The following HMCN1 variants were observed in gnomAD, a reference collection of about 807,000 sequenced individuals.
HMCN1 encodes hemicentin-1.
In HMCN1, 321 loss-of-function variants were observed where a neutral mutation model predicts 625.9. That is an observed-to-expected ratio of 0.51 (90% CI 0.47 to 0.56). HMCN1 has a LOEUF of 0.56. HMCN1 is among the 20% of genes least tolerant of loss of function. The pLI is 0.00. For missense variants in HMCN1, 6,588 were observed against 6,887.3 expected (o/e 0.96, Z 1.54); for synonymous variants, 2,425 against 2,417.6 (o/e 1.00, Z -0.09).
intron 26 of HMCN1, 120 bp downstream of exon 26, chr1:186,000,359 G>T: frequency 1.4e-6 from 1 of 737,352 alleles, no homozygotes; most frequent in African/African-American, 1.7e-5. Flanking sequence ...TTACCAAACA[G>T]AAATCTGGTG....
Position 185,923,399 on chromosome 1 carries a change from C to T in HMCN1, c.1031C>T (p.Thr344Ile). 1 of 1,608,876 alleles carries T rather than the reference C, an allele frequency of 6.2e-7. No homozygotes were observed. Among genetic ancestry groups the T allele is most frequent in the Non-Finnish European group, 8.5e-7 (1 of 1,176,228 alleles). The stretch of plus-strand genomic sequence containing the variant: ...AATCTTTCTCTTGTAGGAATACCTA[C>T]CTATGTACTGCTCAATACTTCTGGA... ...TVSRPVQGIP[T>I]YVLLNTSGIS... Residue 344 changes from threonine (T) to isoleucine (I), a missense_variant, in exon 8 of 107, where the codon ACC becomes ATC. Thr to Ile is a moderately conservative substitution (Grantham distance 89, BLOSUM62 -1). This residue lies in a region of HMCN1 where 4,628 missense variants were observed against 4,853.1 expected (regional missense o/e 0.95). Transcript: ENST00000271588.
At chr1:185,773,499 A>G (rs932444122) in intron 1 of HMCN1, among the ~76,000 whole-genome samples, 2 of 152,178 alleles carry the variant, frequency 1.3e-5, no homozygotes, top group Admixed American at 6.5e-5. Flanking sequence ...GAATTGTTGC[A>G]TCTATCTTTT....
chr1:185,789,935 A>C (rs948595895), intron 1 of HMCN1, among the ~76,000 whole-genome samples: 9 of 152,232 alleles, frequency 5.9e-5, no homozygotes, highest in Non-Finnish European at 1.3e-4. Flanking sequence ...AAATCTGTTT[A>C]AAAGAGCTTC....
At chr1:185,970,986 A>G (rs1245072659) in intron 15 of HMCN1, among the ~76,000 whole-genome samples, 1 of 152,114 alleles carries the variant, frequency 6.6e-6, no homozygotes, top group Non-Finnish European at 1.5e-5. Flanking sequence ...TCGCTGTGTC[A>G]AAAAATTTAT....
At chr1:186,125,897 A>AAAT in intron 82 of HMCN1, 103 bp downstream of exon 82, 1 of 810,340 alleles carries the variant, frequency 1.2e-6, no homozygotes, top group Middle Eastern at 3.6e-4. Flanking sequence ...TAATTAAAAA[A>AAAT]AATATTCTTG....
At chr1:186,185,368 G>A (rs1653223754) in intron 105 of HMCN1, among the ~76,000 whole-genome samples, 1 of 152,134 alleles carries the variant, frequency 6.6e-6, no homozygotes, top group African/African-American at 2.4e-5. Context: ...TTTTCTAGAA[G>A]GCTTTTCAAG....
At chr1:185,983,910 A>G (rs908504134) in intron 18 of HMCN1, among the ~76,000 whole-genome samples, 4 of 152,196 alleles carry the variant, frequency 2.6e-5, no homozygotes, top group African/African-American at 4.8e-5. Context: ...AGTGATGTCT[A>G]TATCTTTCTT....
chr1:185,994,830 A>C lies in HMCN1; in HGVS notation c.3521A>C (p.Gln1174Pro). The change falls in exon 24 of 107, where the codon CAG becomes CCG. Residue 1174 changes from glutamine (Q) to proline (P), a missense_variant. Gln to Pro is a moderately conservative substitution (Grantham distance 76, BLOSUM62 -1). This residue lies in a region of HMCN1 where 4,628 missense variants were observed against 4,853.1 expected (regional missense o/e 0.95). Coordinates refer to ENST00000271588, the MANE Select transcript of HMCN1 (RefSeq NM_031935.3). ...TTATTTCTAGTTCCTCCAAAGATAC[A>C]GCGTGGACCTAAACATCTCAAAGTC... ...KLNVHVPPKI[Q>P]RGPKHLKVQV... 2 of 1,613,514 alleles carry C rather than the reference A, an allele frequency of 1.2e-6. No individual in the cohort carries two copies. Among genetic ancestry groups the C allele is most frequent in the Non-Finnish European group, 1.7e-6 (2 of 1,179,560 alleles).
In HMCN1 at chr1:186,016,169, A is replaced by T. The variant is rs1654355775; in HGVS notation, c.5121A>T (p.Arg1707=). The T allele has an allele frequency of 6.2e-7, 1 of 1,613,398 alleles. No individual in the cohort carries two copies. The highest frequency in any genetic ancestry group is 1.3e-5 in the African/African-American group (1 of 74,902). Residue 1707 remains arginine (R), a synonymous_variant, in exon 32 of 107, where the codon CGA becomes CGT. Transcript: ENST00000271588. The stretch of plus-strand genomic sequence containing the variant: ...TCATGAGTGCCCAAGAAATTGATCG[A>T]GGACAGTACATATGCGTGGCTACCA... ...LEIMSAQEID[R]GQYICVATSV...
intron 71 of HMCN1, among the ~76,000 whole-genome samples, chr1:186,109,169 C>T (rs1660761018): frequency 6.6e-6 from 1 of 152,302 alleles, no homozygotes; most frequent in Non-Finnish European, 1.5e-5. Context: ...AAAGCTTTGA[C>T]TTTGAATGTT....
At position 185,977,880 on chromosome 1, in the gene HMCN1, C is replaced by G; in HGVS notation, c.2465C>G (p.Pro822Arg). The G allele has an allele frequency of 6.2e-7, 1 of 1,612,862 alleles. No homozygotes were observed. The highest frequency in any genetic ancestry group is 8.5e-7 in the Non-Finnish European group (1 of 1,179,114). ...LPCYVQGYPE[P>R]TIKWRRLDNM... ...TGTTATGTTCAGGGTTATCCAGAAC[C>G]AACAATCAAATGGCGAAGATTAGAC... is the stretch of plus-strand genomic sequence containing the variant. Residue 822 changes from proline to arginine, a missense_variant, in exon 16 of 107, where the codon CCA (proline) becomes CGA (arginine). This residue lies in a region of HMCN1 where 4,628 missense variants were observed against 4,853.1 expected (regional missense o/e 0.95). Coordinates refer to ENST00000271588, the MANE Select transcript of HMCN1 (RefSeq NM_031935.3).
chr1:185,994,997 C>A lies in HMCN1; in HGVS notation c.3688C>A (p.Gln1230Lys), dbSNP rs773077151. 3.3e-5 allele frequency: 54 copies of A among 1,613,692 alleles called. No individual in the cohort carries two copies. The highest frequency in any genetic ancestry group is 4.4e-5 in the Non-Finnish European group (52 of 1,179,834). Residue 1230 changes from glutamine (Q) to lysine (K), a missense_variant, in exon 24 of 107, where the codon CAA becomes AAA. Gln to Lys is a moderately conservative substitution (Grantham distance 53). Transcript: ENST00000271588. ...SNPDGTLSID[Q>K]ATPSDAGIYT... is the part of the protein sequence containing the mutation. ...TCCAGACGGAACTTTAAGCATCGACCAAGCCACGCCCTCAGATGCTGGCAT... is the reference window on the plus strand; with the variant it reads ...TCCAGACGGAACTTTAAGCATCGACAAAGCCACGCCCTCAGATGCTGGCAT...
intron 2 of HMCN1, among the ~76,000 whole-genome samples, chr1:185,859,059 GTGTA>G (rs1336684386): frequency 1.6e-5 from 2 of 121,668 alleles, no homozygotes; most frequent in Non-Finnish European, 3.5e-5. Flanking sequence ...GTGTGTGTGT[GTGTA>G]TGTATACATA....
chr1:186,146,337 A>G (rs963865290), intron 93 of HMCN1, among the ~76,000 whole-genome samples: 6 of 152,234 alleles, frequency 3.9e-5, no homozygotes, highest in Non-Finnish European at 2.9e-5. Flanking sequence ...AGGAGAAAGA[A>G]TAAGAGGAGT....
At chr1:185,908,088 A>C (rs1203838433) in intron 4 of HMCN1, among the ~76,000 whole-genome samples, 1 of 152,024 alleles carries the variant, frequency 6.6e-6, no homozygotes, top group African/African-American at 2.4e-5. Flanking sequence ...AGTCCTAATG[A>C]CTGAAAGTGT....
At chr1:185,765,604 G>A (rs1479585460) in intron 1 of HMCN1, among the ~76,000 whole-genome samples, 2 of 152,158 alleles carry the variant, frequency 1.3e-5, no homozygotes, top group South Asian at 2.1e-4. Context: ...AAGGCATAAG[G>A]AGGCATGATA....
intron 11 of HMCN1, among the ~76,000 whole-genome samples, chr1:185,961,444 G>A (rs1650016106): frequency 6.6e-6 from 1 of 152,122 alleles, no homozygotes; most frequent in Non-Finnish European, 1.5e-5. Flanking sequence ...ACAGTGCCTG[G>A]CACATAATAA....
chr1:185,869,987 C>G (rs1361983280), intron 4 of HMCN1, among the ~76,000 whole-genome samples: 1 of 150,042 alleles, frequency 6.7e-6, no homozygotes, highest in African/African-American at 2.5e-5. Flanking sequence ...TATAAACTCA[C>G]TCTTGAGTTA....
In HMCN1 at chr1:185,933,552, C is replaced by T. The variant is rs1322768198; in HGVS notation, c.1556C>T (p.Pro519Leu). Residue 519 changes from proline to leucine, a missense_variant, in exon 11 of 107, where the codon CCC (proline) becomes CTC (leucine). Transcript: ENST00000271588. ...RAQTFFDVSE[P>L]PPVIQVPNNV... The stretch of plus-strand genomic sequence containing the variant: ...TGAATTTTTTGATTTCACACAGAGC[C>T]CCCTCCGGTCATCCAAGTGCCTAAC... 1.9e-6 allele frequency: 3 copies of T among 1,613,720 alleles called. No homozygotes were observed. In the African/African-American group the frequency reaches 4.0e-5, roughly 22 times the overall value.
Sources: allele counts gnomAD v4.1 joint callset (sites outside exome capture counted in the v4.1 genomes callset), GRCh38; gene constraint gnomAD v4.1.1; regional missense constraint gnomAD v4.1.1; transcripts MANE v1.5; gene names NCBI Gene and HGNC (gene_info 2026-07-23, HGNC 2026-07-21).